The following CCDC14 variants were observed in gnomAD, a reference collection of about 807,000 sequenced individuals.
CCDC14 encodes the protein coiled-coil domain containing 14.
CCDC14 carries 71 observed loss-of-function variants against 81.4 expected under a neutral mutation model. That is an observed-to-expected ratio of 0.87 (90% CI 0.72 to 1.06). CCDC14 has a LOEUF of 1.06. Ranked by LOEUF, CCDC14 falls within the 50% of genes least tolerant of loss-of-function variation. The probability of loss-of-function intolerance (pLI) is 0.00; values close to 1 mark genes in which losing one functional copy is unlikely to be tolerated. For synonymous variants in CCDC14, 332 were observed against 364.8 expected (o/e 0.91, Z 1.03); for missense variants, 1,046 against 1,047.3 (o/e 1.00, Z 0.02).
chr3:123,953,295 GGTAAT>G (rs2037136251), intron 5 of CCDC14: 1 of 152,240 alleles, frequency 6.6e-6, no homozygotes, highest in Non-Finnish European at 1.5e-5. Context: ...TGAAGGATGA[GGTAAT>G]GTTTCCCTCT....
intron 2 of CCDC14, 28 bp from the exon 3 acceptor site, chr3:123,956,455 A>T: frequency 6.8e-7 from 1 of 1,476,848 alleles, no homozygotes; most frequent in Non-Finnish European, 9.2e-7. Context: ...TAATATTCTT[A>T]CAAATATTTT....
chr3:123,943,354 G>A (rs1481154180), intron 9 of CCDC14, among the ~76,000 whole-genome samples: 1 of 151,998 alleles, frequency 6.6e-6, no homozygotes, highest in African/African-American at 2.4e-5. Context: ...TTAGGCCTCA[G>A]AAGCAGGCCT....
chr3:123,886,316 T>G, the CCDC14 span, among the ~76,000 whole-genome samples: 1 of 151,868 alleles, frequency 6.6e-6, no homozygotes, highest in Non-Finnish European at 1.5e-5. Flanking sequence ...AGTTTTTTTG[T>G]TTTTTCTTTC....
chr3:123,908,075 C>T (rs1003724697), intron 5 of CCDC14, among the ~76,000 whole-genome samples: 2 of 151,532 alleles, frequency 1.3e-5, no homozygotes, highest in East Asian at 3.9e-4. Flanking sequence ...AGACACTCTT[C>T]GAAATTAAAA....
chr3:123,923,397 C>T (rs1483845836), intron 12 of CCDC14, among the ~76,000 whole-genome samples: 1 of 151,960 alleles, frequency 6.6e-6, no homozygotes, highest in Non-Finnish European at 1.5e-5. Context: ...ACTCTCACCA[C>T]TTCTTTTCAA....
intron 12 of CCDC14, among the ~76,000 whole-genome samples, chr3:123,926,393 A>G (rs2035363154): frequency 6.6e-6 from 1 of 151,836 alleles, no homozygotes; most frequent in Non-Finnish European, 1.5e-5. Context: ...TTTAATACTT[A>G]GAAAACTGGC....
intron 5 of CCDC14, among the ~76,000 whole-genome samples, chr3:123,903,725 A>C (rs568390928): frequency 1.1e-4 from 17 of 152,322 alleles, no homozygotes; most frequent in African/African-American, 3.4e-4. Flanking sequence ...ACTCTCCCTC[A>C]AAGCTAGGAC....
chr3:123,931,177 T>C lies in CCDC14; in HGVS notation c.1703A>G (p.Glu568Gly), dbSNP rs1330740715. Residue 568 changes from glutamate (E) to glycine (G), a missense_variant, in exon 12 of 13, where the codon GAA (glutamate) becomes GGA (glycine). Physicochemically the swap from Glu to Gly is moderately conservative, Grantham distance 98 (BLOSUM62 -2). Transcript: ENST00000409697. ...KSSQFKLETA[E>G]KENQILGITL... ...TATCCCCAATATCTGGTTTTCCTTT[T>C]CAGCAGTTTCTAACTTAAACTGGGA... 16 of 1,613,078 alleles carry C rather than the reference T, an allele frequency of 9.9e-6. 1 individual carries two copies. The South Asian group carries it at 1.4e-4, about 14-fold the overall frequency.
intron 1 of CCDC14, chr3:123,958,618 T>C (rs1441561657): frequency 6.6e-6 from 1 of 152,110 alleles, no homozygotes; most frequent in Non-Finnish European, 1.5e-5. Context: ...AGTTTGCAGA[T>C]ACAATACTCC....
At position 123,913,643 on chromosome 3, in the gene CCDC14, C is replaced by T; in HGVS notation, c.*1136G>A. ...AACATATCAAAGAGACTACAGCTGG[C>T]TCCTTCAAACGCTGTAGCACTAACA... On this transcript the variant is annotated 3_prime_UTR_variant, in exon 13 of 13. Coordinates refer to ENST00000409697, the MANE Select transcript of CCDC14 (RefSeq NM_001366335.1). 3.1e-6 allele frequency: 3 copies of T among 982,578 alleles called. No individual in the cohort carries two copies. The highest frequency in any genetic ancestry group is 2.4e-6 in the Non-Finnish European group (2 of 829,198). The allele number at this position is 982,578 out of a possible 1,614,324, so 60.9% of individuals were successfully genotyped here.
rs2148782851 is a variant in CCDC14, at chr3:123,915,529, T to C, written c.1968A>G (p.Thr656=). Residue 656 remains threonine, a synonymous_variant, in exon 13 of 13, where the codon ACA becomes ACG. Transcript: ENST00000409697. ...TAATTGTAGAAAGTGGCTCTGAATG[T>C]GTAAAACTGTAATTTGTTTCTAACT... is the stretch of plus-strand genomic sequence containing the variant. The part of the protein sequence containing the change: ...LNKLETNYSF[T]HSEPLSTIKN... 6.2e-7 allele frequency: 1 copy of C among 1,614,036 alleles called. No homozygotes were observed. The highest frequency in any genetic ancestry group is 8.5e-7 in the Non-Finnish European group (1 of 1,179,890).
chr3:123,954,043 T>C (rs1221588936), intron 5 of CCDC14: 1 of 152,128 alleles, frequency 6.6e-6, no homozygotes, highest in East Asian at 1.9e-4. Context: ...TAAGTCAGGA[T>C]CCAGTAAGTT....
chr3:123,930,072 T>C (rs1044916225), intron 12 of CCDC14, among the ~76,000 whole-genome samples: 52 of 152,294 alleles, frequency 3.4e-4, no homozygotes, highest in African/African-American at 1.2e-3. Flanking sequence ...TATAATTATA[T>C]GATTACAAAA....
chr3:123,949,074 G>A lies in CCDC14; in HGVS notation c.411C>T (p.Asp137=). The change falls in exon 6 of 13, where the codon GAC becomes GAT. Residue 137 remains aspartate, a synonymous_variant. Coordinates refer to ENST00000409697, the MANE Select transcript of CCDC14 (RefSeq NM_001366335.1). Reference sequence around the variant, plus strand: ...ACCAGTTTTGCTCTAGGTCTGATGTGTCTCTTTCACTTCTAGCAGAAGCTT... The same window carrying A: ...ACCAGTTTTGCTCTAGGTCTGATGTATCTCTTTCACTTCTAGCAGAAGCTT... ...PNEASARSER[D]TSDLEQNWSL... is the part of the protein sequence containing the mutation. The A allele has an allele frequency of 1.9e-6, 3 of 1,612,760 alleles. No homozygotes were observed. Among genetic ancestry groups the A allele is most frequent in the African/African-American group, 1.3e-5 (1 of 75,002 alleles).
intron 5 of CCDC14, among the ~76,000 whole-genome samples, chr3:123,906,970 C>T (rs1437080542): frequency 1.3e-5 from 2 of 152,152 alleles, no homozygotes; most frequent in East Asian, 1.9e-4. Flanking sequence ...ATCATCTTGG[C>T]CCTGGACTCT....
At chr3:123,898,706 G>T (rs2148755872) in intron 5 of CCDC14, among the ~76,000 whole-genome samples, 1 of 152,238 alleles carries the variant, frequency 6.6e-6, no homozygotes, top group East Asian at 1.9e-4. Flanking sequence ...CTTTTTCTTT[G>T]AGACAGGGTC....
At chr3:123,959,741 G>T (rs1232976835) in intron 1 of CCDC14, among the ~76,000 whole-genome samples, 1 of 128,888 alleles carries the variant, frequency 7.8e-6, no homozygotes, top group Non-Finnish European at 1.5e-5. Context: ...CAAGATCTAG[G>T]TACTAGATGT....
intron 12 of CCDC14, among the ~76,000 whole-genome samples, chr3:123,917,283 C>T (rs1372254023): frequency 4.6e-5 from 7 of 151,482 alleles, no homozygotes; most frequent in Non-Finnish European, 7.4e-5. Context: ...CACCTGAGGT[C>T]AGGAGTTCGA....
intron 5 of CCDC14, chr3:123,953,397 G>A (rs922049458): frequency 6.6e-6 from 1 of 152,228 alleles, no homozygotes; most frequent in African/African-American, 2.4e-5. Flanking sequence ...CTAAACCTAA[G>A]GCATGTGCAG....
Sources: gnomAD v4.1 joint callset for allele counts (sites outside exome capture counted in the v4.1 genomes callset) on GRCh38, gnomAD v4.1.1 for gene constraint, MANE v1.5 for transcripts, NCBI Gene and HGNC (gene_info 2026-07-23, HGNC 2026-07-21) for gene names.